PEAK1: variants seen among roughly 807,000 people sequenced by gnomAD.
The protein encoded by PEAK1 is pseudopodium enriched atypical kinase 1, also known as inactive tyrosine-protein kinase PEAK1.
In PEAK1, 54 loss-of-function variants were observed where a neutral mutation model predicts 124.7. That is an observed-to-expected ratio of 0.43 (90% CI 0.35 to 0.54). The LOEUF is 0.54. Among genes scored for constraint, PEAK1 ranks in the 20% least tolerant of loss-of-function variants. The pLI is 0.01. For synonymous variants in PEAK1, 719 were observed against 760.0 expected, an observed-to-expected ratio of 0.95 and a Z score of 0.89; for missense variants, 2,046 against 2,134.5, an observed-to-expected ratio of 0.96 and a Z score of 0.82.
intron 9 of PEAK1, among the ~76,000 whole-genome samples, chr15:77,128,745 G>A (rs1313852377): frequency 6.6e-6 from 1 of 152,190 alleles, no homozygotes; most frequent in Non-Finnish European, 1.5e-5. Context: ...CATGTAACTT[G>A]TGGTTTCACA....
chr15:77,385,359 T>C (rs1267591468), intron 1 of PEAK1, among the ~76,000 whole-genome samples: 3 of 152,222 alleles, frequency 2.0e-5, no homozygotes, highest in Non-Finnish European at 2.9e-5. Context: ...TTTTCAATGA[T>C]GCTGTTTCAC....
chr15:77,390,594 A>G (rs1472677068), intron 1 of PEAK1, among the ~76,000 whole-genome samples: 1 of 152,200 alleles, frequency 6.6e-6, no homozygotes, highest in African/African-American at 2.4e-5. Flanking sequence ...AAAATGAGTA[A>G]AAGAAGTATG....
intron 6 of PEAK1, among the ~76,000 whole-genome samples, chr15:77,232,265 C>T (rs1210172752): frequency 6.6e-6 from 1 of 152,066 alleles, no homozygotes; most frequent in Non-Finnish European, 1.5e-5. Context: ...GCCAACCCAA[C>T]CATGAGCTTA....
At chr15:77,320,317 C>T (rs1256386618) in intron 2 of PEAK1, among the ~76,000 whole-genome samples, 1 of 152,114 alleles carries the variant, frequency 6.6e-6, no homozygotes, top group African/African-American at 2.4e-5. Flanking sequence ...AGCTGTCTCC[C>T]CCACTGACCT....
intron 6 of PEAK1, among the ~76,000 whole-genome samples, chr15:77,231,543 T>C (rs1344608812): frequency 6.6e-6 from 1 of 152,176 alleles, no homozygotes; most frequent in Non-Finnish European, 1.5e-5. Context: ...GATAACATCT[T>C]CCCTTTGGTT....
At position 77,113,796 on chromosome 15, in the gene PEAK1, C is replaced by A; in HGVS notation, c.*360G>T. ...TGGTGCTAAAAAGATAGGTGATATCCAGAATTATGGAGGAAATGGACACAG... is the reference window on the plus strand; with the variant it reads ...TGGTGCTAAAAAGATAGGTGATATCAAGAATTATGGAGGAAATGGACACAG... On this transcript the variant is annotated 3_prime_UTR_variant, in exon 10 of 10. Coordinates refer to ENST00000682557, the MANE Select transcript of PEAK1 (RefSeq NM_001385026.1). 1 of 244,186 alleles carries A rather than the reference C, an allele frequency of 4.1e-6. No individual in the cohort carries two copies. 15.1% of individuals were successfully genotyped at this position (244,186 alleles called of 1,614,324 possible). A position where few individuals can be genotyped will look rare whatever the true frequency, so the allele number is the denominator to read the frequency against.
intron 2 of PEAK1, chr15:77,346,646 T>A (rs2066890633): frequency 2.0e-5 from 20 of 985,150 alleles, no homozygotes; most frequent in Non-Finnish European, 2.4e-5. Context: ...CAGAAAAATG[T>A]CAAAAATACA....
chr15:77,188,363 C>T (rs1222814266), intron 6 of PEAK1, among the ~76,000 whole-genome samples: 1 of 152,140 alleles, frequency 6.6e-6, no homozygotes, highest in Admixed American at 6.5e-5. Flanking sequence ...CAAATGCACC[C>T]CTGCAAAGCA....
intron 7 of PEAK1, among the ~76,000 whole-genome samples, chr15:77,165,028 C>T (rs1355518245): frequency 1.3e-5 from 2 of 151,926 alleles, no homozygotes; most frequent in Admixed American, 6.6e-5. Flanking sequence ...CTCAGTCTCC[C>T]GAGTAGCTGG....
intron 2 of PEAK1, chr15:77,333,361 C>G (rs10519164): frequency 0.34 from 336,374 of 980,192 alleles, 60,600 homozygotes; most frequent in Non-Finnish European, 0.37. Context: ...AACATGCTAT[C>G]AAGTTAGAAA....
At chr15:77,262,460 T>C (rs1004028240) in intron 5 of PEAK1, among the ~76,000 whole-genome samples, 1 of 151,382 alleles carries the variant, frequency 6.6e-6, no homozygotes, top group African/African-American at 2.5e-5. Flanking sequence ...GTTGCAATCC[T>C]AGTCTCTGAT....
At chr15:77,190,404 A>C (rs1189466538) in intron 6 of PEAK1, among the ~76,000 whole-genome samples, 1 of 152,232 alleles carries the variant, frequency 6.6e-6, no homozygotes, top group Non-Finnish European at 1.5e-5. Flanking sequence ...CATAACTTAA[A>C]ATGCAGTCAA....
At chr15:77,414,385 AT>A (rs35794181) in intron 1 of PEAK1, among the ~76,000 whole-genome samples, 2,594 of 122,602 alleles carry the variant, frequency 0.021, 18 homozygotes, top group East Asian at 0.027. Flanking sequence ...AATTTTTTGT[AT>A]TTTTTTTTTT....
At chr15:77,188,766 G>A (rs757864361) in intron 6 of PEAK1, among the ~76,000 whole-genome samples, 2 of 152,094 alleles carry the variant, frequency 1.3e-5, no homozygotes, top group Non-Finnish European at 2.9e-5. Flanking sequence ...TAAGTCCCCA[G>A]AAGGCAGGTC....
At chr15:77,338,187 T>G (rs1431419456) in intron 2 of PEAK1, 1 of 814,484 alleles carries the variant, frequency 1.2e-6, no homozygotes, top group African/African-American at 1.9e-5. Context: ...CTCTAAAGAC[T>G]GCAATCCTGT....
intron 1 of PEAK1, among the ~76,000 whole-genome samples, chr15:77,410,881 T>C (rs2072353195): frequency 2.0e-5 from 3 of 152,328 alleles, no homozygotes; most frequent in Non-Finnish European, 2.9e-5. Context: ...TTTCTTGTAG[T>C]TCCTGAAGAG....
intron 2 of PEAK1, chr15:77,352,786 T>C: frequency 5.1e-6 from 5 of 981,686 alleles, no homozygotes; most frequent in Non-Finnish European, 6.0e-6. Context: ...CAGGATCAAC[T>C]TCTCAGAAAG....
chr15:77,234,818 T>C (rs745901019), intron 6 of PEAK1, among the ~76,000 whole-genome samples: 2 of 151,962 alleles, frequency 1.3e-5, no homozygotes, highest in African/African-American at 2.4e-5. Context: ...AAAAAATATA[T>C]ATATTTTTTT....
rs1471129456 is a variant in PEAK1 at position 77,110,947 on chromosome 15, G to A, written c.*3209C>T. On this transcript the variant is annotated 3_prime_UTR_variant, in exon 10 of 10. Transcript: ENST00000682557. ...TCCACTGAATTGCTTCCAAGACTAG[G>A]TTACCACTCTAACAAGGCACTCTGC... The A allele has an allele frequency of 1.3e-5, 2 of 152,200 alleles. No individual in the cohort carries two copies. Among genetic ancestry groups the A allele is most frequent in the Non-Finnish European group, 2.9e-5 (2 of 68,054 alleles). 9.4% of individuals were successfully genotyped at this position (152,200 alleles called of 1,614,324 possible). A position where few individuals can be genotyped will look rare whatever the true frequency, so the allele number is the denominator to read the frequency against.
Sources: allele counts gnomAD v4.1 joint callset (sites outside exome capture counted in the v4.1 genomes callset), GRCh38; gene constraint gnomAD v4.1.1; transcripts MANE v1.5; gene names NCBI Gene and HGNC (gene_info 2026-07-23, HGNC 2026-07-21).